Variants in NR6A1 observed in about 807,000 individuals in gnomAD.
NR6A1 encodes the protein retinoic acid receptor-related testis-associated receptor.
NR6A1 carries 7 observed loss-of-function variants against 59.1 expected under a neutral mutation model. The observed-to-expected ratio is 0.12, with a 90% CI of 0.07 to 0.22. The LOEUF (loss-of-function observed/expected upper bound fraction) is 0.22, where lower values mean the gene tolerates loss of function less well. Ranked by LOEUF, NR6A1 falls within the 10% of genes least tolerant of loss-of-function variation. The probability of loss-of-function intolerance (pLI) is 1.00; values close to 1 mark genes in which losing one functional copy is unlikely to be tolerated. For missense variants in NR6A1, 468 were observed against 611.6 expected (o/e 0.77, Z 2.48); for synonymous variants, 243 against 236.1 (o/e 1.03, Z -0.27).
At chr9:124,646,463 TA>T (rs1564216787) in intron 2 of NR6A1, among the ~76,000 whole-genome samples, 1 of 152,096 alleles carries the variant, frequency 6.6e-6, no homozygotes, top group East Asian at 1.9e-4. Flanking sequence ...AAAAATGAAA[TA>T]GGGGACCTCA....
intron 2 of NR6A1, among the ~76,000 whole-genome samples, chr9:124,727,751 C>T (rs1839762276): frequency 2.6e-5 from 4 of 152,084 alleles, no homozygotes; most frequent in Admixed American, 2.6e-4. Flanking sequence ...GTGGCACGAT[C>T]TTGGTTCACT....
chr9:124,570,095 T>C (rs1834393792), intron 2 of NR6A1, among the ~76,000 whole-genome samples: 2 of 152,240 alleles, frequency 1.3e-5, no homozygotes, highest in African/African-American at 2.4e-5. Flanking sequence ...AGATAAAATG[T>C]TACCTATCTC....
chr9:124,680,151 T>C (rs1838100171), intron 2 of NR6A1, among the ~76,000 whole-genome samples: 1 of 151,876 alleles, frequency 6.6e-6, no homozygotes, highest in Non-Finnish European at 1.5e-5. Flanking sequence ...TCGTGATGTG[T>C]GACATTGAAA....
At chr9:124,594,583 T>A (rs1046776953) in intron 2 of NR6A1, among the ~76,000 whole-genome samples, 1 of 152,220 alleles carries the variant, frequency 6.6e-6, no homozygotes, top group Non-Finnish European at 1.5e-5. Flanking sequence ...AGAATTTCTA[T>A]GCATACTGGG....
chr9:124,736,465 A>G (rs935833695), intron 1 of NR6A1, among the ~76,000 whole-genome samples: 1 of 152,172 alleles, frequency 6.6e-6, no homozygotes, highest in Non-Finnish European at 1.5e-5. Flanking sequence ...CTTCTATTCA[A>G]AGGCCACATG....
At chr9:124,540,893 A>G (rs1474885033) in intron 4 of NR6A1, among the ~76,000 whole-genome samples, 1 of 152,212 alleles carries the variant, frequency 6.6e-6, no homozygotes, top group African/African-American at 2.4e-5. Context: ...TCTCTTCAAC[A>G]AATAGTGCTG....
At chr9:124,659,359 G>A (rs1342669806) in intron 2 of NR6A1, among the ~76,000 whole-genome samples, 2 of 152,210 alleles carry the variant, frequency 1.3e-5, no homozygotes, top group Non-Finnish European at 2.9e-5. Context: ...GAAACTGCCA[G>A]CCATTTTCCC....
chr9:124,683,301 T>A (rs1221434824), intron 2 of NR6A1, among the ~76,000 whole-genome samples: 1 of 152,058 alleles, frequency 6.6e-6, no homozygotes, highest in Non-Finnish European at 1.5e-5. Context: ...TGAATTTGGA[T>A]CTCCTGACTT....
At chr9:124,731,417 A>G (rs770961606) in intron 2 of NR6A1, among the ~76,000 whole-genome samples, 2 of 152,006 alleles carry the variant, frequency 1.3e-5, no homozygotes, top group African/African-American at 4.8e-5. Context: ...AAATAACTGA[A>G]TTTATCTTTT....
chr9:124,621,335 T>G (rs1836066105), intron 2 of NR6A1, among the ~76,000 whole-genome samples: 1 of 152,178 alleles, frequency 6.6e-6, no homozygotes, highest in South Asian at 2.1e-4. Flanking sequence ...AAAAAATGCT[T>G]AGCATACATT....
rs144980791 is a variant in NR6A1, at chr9:124,642,929, G to C, written c.143-88359C>G. Among the ~76,000 whole-genome samples, 165 of 152,258 alleles carry C rather than the reference G, an allele frequency of 1.1e-3. 3 individuals carry two copies. Among genetic ancestry groups the C allele is most frequent in the South Asian group, 7.5e-3 (36 of 4,822 alleles). On this transcript the variant is annotated intron_variant, in intron 2 of 9. Transcript: ENST00000487099. ...GAAGAACCAGAGGGTCAGGTGGATGGAAATATTTGAAAGATATTAAGAATT... is the reference window on the plus strand; with the variant it reads ...GAAGAACCAGAGGGTCAGGTGGATGCAAATATTTGAAAGATATTAAGAATT...
chr9:124,644,512 A>T (rs908244477), intron 2 of NR6A1, among the ~76,000 whole-genome samples: 1 of 152,100 alleles, frequency 6.6e-6, no homozygotes, highest in Non-Finnish European at 1.5e-5. Flanking sequence ...TCAGCTTCCC[A>T]AAGTGCTGGA....
At chr9:124,756,238 C>T (rs972406766) in intron 1 of NR6A1, among the ~76,000 whole-genome samples, 5 of 152,282 alleles carry the variant, frequency 3.3e-5, no homozygotes, top group Admixed American at 1.3e-4. Flanking sequence ...CATCTCAAGG[C>T]TTTTAATTAC....
At chr9:124,599,347 A>T in intron 2 of NR6A1, 1 of 351,012 alleles carries the variant, frequency 2.8e-6, no homozygotes. Context: ...TGAACCCGGG[A>T]GGCGGAGGTT....
At position 124,658,205 on chromosome 9, in the gene NR6A1, A is replaced by G. The variant is rs146760093; in HGVS notation, c.142+75103T>C. Among the ~76,000 whole-genome samples the G allele has an allele frequency of 3.9e-5, 6 of 152,286 alleles. No homozygotes were observed. In the East Asian group the frequency reaches 1.2e-3, roughly 29 times the overall value. The stretch of plus-strand genomic sequence containing the variant: ...GCCACCAAACAAAAGCAACACCTTC[A>G]AAGTCTCTCAGTGACTAGAGGCAGC... On this transcript the variant is annotated intron_variant, in intron 2 of 9. Transcript: ENST00000487099.
intron 2 of NR6A1, among the ~76,000 whole-genome samples, chr9:124,709,186 T>C (rs1839209679): frequency 6.6e-6 from 1 of 152,210 alleles, no homozygotes; most frequent in Admixed American, 6.5e-5. Flanking sequence ...GATTCCATAG[T>C]CAGTTTCCAG....
chr9:124,747,592 T>C (rs894078965), intron 1 of NR6A1, among the ~76,000 whole-genome samples: 4 of 152,272 alleles, frequency 2.6e-5, no homozygotes, highest in South Asian at 2.1e-4. Context: ...AAATAACCCA[T>C]AGGCTCCATC....
rs537106532 is a variant in NR6A1 at position 124,649,328 on chromosome 9, T to C, written c.142+83980A>G. 6.0e-4 allele frequency among the ~76,000 whole-genome samples: 89 copies of C among 147,224 alleles called. 1 individual carries two copies. In the South Asian group the frequency reaches 0.019, roughly 31 times the overall value. ...ACATTTACAGTCAAATCATTTTCAA[T>C]AAAGGCATCAAGAACATTCATTGGC... On this transcript the variant is annotated intron_variant, in intron 2 of 9. Transcript: ENST00000487099.
At chr9:124,623,687 G>A (rs915251957) in intron 2 of NR6A1, among the ~76,000 whole-genome samples, 14 of 152,020 alleles carry the variant, frequency 9.2e-5, no homozygotes, top group Non-Finnish European at 1.8e-4. Flanking sequence ...ATAATATCCT[G>A]TCTTAATTTC....
Sources: gnomAD v4.1 joint callset for allele counts (sites outside exome capture counted in the v4.1 genomes callset) on GRCh38, gnomAD v4.1.1 for gene constraint, MANE v1.5 for transcripts, NCBI Gene and HGNC (gene_info 2026-07-23, HGNC 2026-07-21) for gene names.